Variants in ABHD5 observed in about 807,000 individuals in gnomAD.
ABHD5 encodes abhydrolase domain containing 5, lysophosphatidic acid acyltransferase, also known as 1-acylglycerol-3-phosphate O-acyltransferase ABHD5.
ABHD5 carries 30 observed loss-of-function variants against 44.9 expected under a neutral mutation model. The ratio of observed to expected loss-of-function variants is 0.67; its 90% confidence interval spans 0.50 to 0.91. The LOEUF (loss-of-function observed/expected upper bound fraction) is 0.91. Ranked by LOEUF, ABHD5 falls within the 40% of genes least tolerant of loss-of-function variation. ABHD5 has a pLI of 0.00. For missense variants in ABHD5, 399 were observed against 423.4 expected (o/e 0.94, Z 0.50); for synonymous variants, 167 against 147.0 (o/e 1.14, Z -0.99).
At chr3:43,733,374 C>T (rs1697275610) in intron 7 of ABHD5, among the ~76,000 whole-genome samples, 1 of 152,194 alleles carries the variant, frequency 6.6e-6, no homozygotes, top group Non-Finnish European at 1.5e-5. Context: ...CAGGTGCTCT[C>T]ATATAATCAA....
At chr3:43,723,926 C>CT (rs1353625829), downstream of ABHD5, among the ~76,000 whole-genome samples, 1 of 152,002 alleles carries the variant, frequency 6.6e-6, no homozygotes, top group Non-Finnish European at 1.5e-5. Flanking sequence ...AGTATAGTGA[C>CT]TTTTTTAAAA....
chr3:43,714,137 C>CTTTTTTT (rs542982546), intron 4 of ABHD5, among the ~76,000 whole-genome samples: 1 of 136,884 alleles, frequency 7.3e-6, no homozygotes, highest in Non-Finnish European at 1.6e-5. Flanking sequence ...TTCTTTTTTT[C>CTTTTTTT]TTTTTTTTTT....
chr3:43,706,936 G>T (rs908850122), intron 3 of ABHD5, among the ~76,000 whole-genome samples: 1 of 152,082 alleles, frequency 6.6e-6, no homozygotes, highest in African/African-American at 2.4e-5. Flanking sequence ...TGTCTTTTAT[G>T]GGCAGCTCCA....
At chr3:43,690,874 C>A (rs966802722), upstream of ABHD5, 1 of 1,143,604 alleles carries the variant, frequency 8.7e-7, no homozygotes, top group Non-Finnish European at 1.2e-6. Flanking sequence ...CGTGCTAGTG[C>A]GCGGAAGACG....
chr3:43,704,928 T>G (rs1424020696), intron 3 of ABHD5, among the ~76,000 whole-genome samples: 2 of 152,242 alleles, frequency 1.3e-5, no homozygotes, highest in Non-Finnish European at 2.9e-5. Context: ...GCCAACAAAA[T>G]TTTGAACTGT....
At chr3:43,697,166 T>C (rs1037142244) in intron 1 of ABHD5, among the ~76,000 whole-genome samples, 6 of 152,178 alleles carry the variant, frequency 3.9e-5, no homozygotes, top group Non-Finnish European at 8.8e-5. Flanking sequence ...GTATGTAACT[T>C]TTTAAACACT....
At chr3:43,713,498 C>G (rs983580784) in intron 4 of ABHD5, among the ~76,000 whole-genome samples, 2 of 151,968 alleles carry the variant, frequency 1.3e-5, no homozygotes, top group Non-Finnish European at 2.9e-5. Context: ...CTAGTGCCTT[C>G]TGTTTGGATT....
chr3:43,728,096 G>A (rs1348032798), intron 7 of ABHD5, among the ~76,000 whole-genome samples: 4 of 152,164 alleles, frequency 2.6e-5, no homozygotes. Context: ...TCCAGAGCTT[G>A]CAACATTTTG....
At chr3:43,691,121 C>T in intron 1 of ABHD5, 82 bp downstream of exon 1, 2 of 1,327,644 alleles carry the variant, frequency 1.5e-6, no homozygotes, top group Non-Finnish European at 1.9e-6. Flanking sequence ...GCGGGCAGCA[C>T]CAAGGAGTCG....
chr3:43,717,933 G>A lies in ABHD5; in HGVS notation c.960+76G>A, dbSNP rs2084788145. On this transcript the variant is annotated intron_variant, in intron 6 of 6. Coordinates refer to ENST00000644371, the MANE Select transcript of ABHD5 (RefSeq NM_016006.6). ...ATTATCTCCCTTAAAAGAGGTTTTA[G>A]GTCATCCTCGTGTTGCAGGTCATCT... The A allele has an allele frequency of 3.2e-6, 5 of 1,585,812 alleles. No individual in the cohort carries two copies. In the South Asian group the frequency reaches 5.6e-5, roughly 18 times the overall value.
In ABHD5 at chr3:43,717,694, T is replaced by C; in HGVS notation, c.797T>C (p.Met266Thr). 1 of 1,614,232 alleles carries C rather than the reference T, an allele frequency of 6.2e-7. No individual in the cohort carries two copies. Among genetic ancestry groups the C allele is most frequent in the Admixed American group, 1.7e-5 (1 of 60,028 alleles). ...TPSGETAFKN[M>T]TIPYGWAKRP... ...AGTGGTGAGACAGCTTTCAAGAATA[T>C]GACTATTCCTTATGGATGGGCAAAA... The change falls in exon 6 of 7, where the codon ATG becomes ACG. Residue 266 changes from methionine to threonine, a missense_variant. Coordinates refer to ENST00000644371, the MANE Select transcript of ABHD5 (RefSeq NM_016006.6).
At chr3:43,723,818 A>G (rs2084859784), downstream of ABHD5, among the ~76,000 whole-genome samples, 1 of 152,250 alleles carries the variant, frequency 6.6e-6, no homozygotes, top group Non-Finnish European at 1.5e-5. Context: ...TCTTTATTTG[A>G]ACAAAACAAA....
intron 6 of ABHD5, 111 bp downstream of exon 6, chr3:43,717,968 C>T: frequency 7.1e-7 from 1 of 1,413,490 alleles, no homozygotes; most frequent in Non-Finnish European, 9.9e-7. Context: ...TGAGCCATAC[C>T]TGCAGCCTCA....
At chr3:43,711,941 C>T (rs922835264) in intron 4 of ABHD5, 78 bp downstream of exon 4, 47 of 1,595,280 alleles carry the variant, frequency 2.9e-5, no homozygotes, top group Non-Finnish European at 3.5e-5. Context: ...TAGTCAAAAT[C>T]TTAAAAACAA....
intron 5 of ABHD5, among the ~76,000 whole-genome samples, chr3:43,715,363 A>G (rs750152241): frequency 4.3e-4 from 66 of 151,990 alleles, no homozygotes; most frequent in Non-Finnish European, 7.4e-4. Context: ...GGGTTTCTCC[A>G]TGTTGGTCAG....
chr3:43,732,510 A>C (rs1328557145), intron 7 of ABHD5, among the ~76,000 whole-genome samples: 1 of 152,230 alleles, frequency 6.6e-6, no homozygotes. Context: ...TAATTTCAAC[A>C]ACAGGAAAGA....
At chr3:43,718,334 TTAAA>T (rs2084793735) in intron 6 of ABHD5, 105 bp from the exon 7 acceptor site, 1 of 886,720 alleles carries the variant, frequency 1.1e-6, no homozygotes, top group Non-Finnish European at 1.9e-6. Context: ...CGTGTTTTAT[TTAAA>T]TACAGTGGCT....
Position 43,702,567 on chromosome 3 carries a change from C to T in ABHD5, c.486C>T (p.Tyr162=), listed in dbSNP as rs1215812180. 2.5e-6 allele frequency: 4 copies of T among 1,614,088 alleles called. No homozygotes were observed. Among genetic ancestry groups the T allele is most frequent in the Middle Eastern group, 1.6e-4 (1 of 6,084 alleles). Residue 162 remains tyrosine, a synonymous_variant, in exon 3 of 7, where the codon TAC becomes TAT. Transcript: ENST00000644371. ...HNLGGFLAAA[Y]SLKYPSRVNH... Reference sequence around the variant, plus strand: ...TAGGTGGATTCTTGGCTGCTGCTTACTCGCTGAAGTACCCATCAAGGTAAG... The same window carrying T: ...TAGGTGGATTCTTGGCTGCTGCTTATTCGCTGAAGTACCCATCAAGGTAAG...
chr3:43,715,132 T>C (rs1024159892), intron 5 of ABHD5, 74 bp downstream of exon 5: 13 of 1,056,028 alleles, frequency 1.2e-5, no homozygotes, highest in Non-Finnish European at 1.9e-5. Flanking sequence ...TGTGTGTGTT[T>C]TAGACTATTT....
Sources: gnomAD v4.1 joint callset for allele counts (sites outside exome capture counted in the v4.1 genomes callset) on GRCh38, gnomAD v4.1.1 for gene constraint, MANE v1.5 for transcripts, NCBI Gene and HGNC (gene_info 2026-07-23, HGNC 2026-07-21) for gene names.